The following ASGR1 variants were observed in gnomAD, a reference collection of about 807,000 sequenced individuals.
ASGR1 encodes the protein C-type lectin domain family 4 member H1.
Under a neutral mutation model 33.1 loss-of-function variants are expected in ASGR1, and 35 were observed. The ratio of observed to expected loss-of-function variants is 1.06; its 90% CI spans 0.81 to 1.40. The LOEUF (loss-of-function observed/expected upper bound fraction) is 1.40, where lower values mean the gene tolerates loss of function less well. ASGR1 is among the 40% of genes most tolerant of loss of function. The pLI, the probability that ASGR1 is intolerant of heterozygous loss-of-function variation, is 0.00. For missense variants in ASGR1, 396 were observed against 373.7 expected (o/e 1.06, Z -0.49); for synonymous variants, 142 against 152.5 (o/e 0.93, Z 0.51).
In ASGR1 at chr17:7,173,507, G is replaced by C. The variant is rs1335090994; in HGVS notation, c.*152C>G. ...CTGCAAACTGCAGAAAGCGCCACGGGTTTCAAGCTCCTCACCTTCGGAACA... is the reference window on the plus strand; with the variant it reads ...CTGCAAACTGCAGAAAGCGCCACGGCTTTCAAGCTCCTCACCTTCGGAACA... On this transcript the variant is annotated 3_prime_UTR_variant, in exon 9 of 9. Transcript: ENST00000269299. The surrounding 1 kb of genome is among the most constrained non-coding windows in gnomAD (Gnocchi z 4.7). The C allele has an allele frequency of 9.0e-7, 1 of 1,107,052 alleles. No homozygotes were observed. The highest frequency in any genetic ancestry group is 2.6e-5 in the East Asian group (1 of 38,540). 68.6% of individuals were successfully genotyped at this position (1,107,052 alleles called of 1,614,324 possible).
In ASGR1 at chr17:7,173,622, G is replaced by C; in HGVS notation, c.*37C>G. ...CCCAGATGGGCGGATTCCCAATCCCGGACCCCTGCGGCAGGTCGAGGCATT... is the reference window on the plus strand; with the variant it reads ...CCCAGATGGGCGGATTCCCAATCCCCGACCCCTGCGGCAGGTCGAGGCATT... On this transcript the variant is annotated 3_prime_UTR_variant, in exon 9 of 9. Coordinates refer to ENST00000269299, the MANE Select transcript of ASGR1 (RefSeq NM_001671.5). The surrounding 1 kb of genome is among the most constrained non-coding windows in gnomAD (Gnocchi z 4.7). 2 of 1,610,788 alleles carry C rather than the reference G, an allele frequency of 1.2e-6. No individual in the cohort carries two copies. The highest frequency in any genetic ancestry group is 4.5e-5 in the East Asian group (2 of 44,858).
chr17:7,174,499 G>A lies in ASGR1; in HGVS notation c.356-39C>T, dbSNP rs779323393. The stretch of plus-strand genomic sequence containing the variant: ...GCGGAGGGGAGCGGGAGGAGATGCG[G>A]AAACCACGGGGAGGGAAACGGGAAA... On this transcript the variant is annotated intron_variant, in intron 5 of 8. Coordinates refer to ENST00000269299, the MANE Select transcript of ASGR1 (RefSeq NM_001671.5). 4.4e-6 allele frequency: 7 copies of A among 1,590,914 alleles called. No individual in the cohort carries two copies. The Admixed American group carries it at 1.3e-4, about 28-fold the overall frequency.
chr17:7,178,293 A>T (rs537927114), intron 2 of ASGR1: 1 of 597,224 alleles, frequency 1.7e-6, no homozygotes, highest in Non-Finnish European at 3.0e-6. Flanking sequence ...AGCTTTGGGC[A>T]CCTGTCACCA....
intron 5 of ASGR1, 129 bp downstream of exon 5, chr17:7,176,697 CACAG>C (rs1442378582): frequency 1.5e-6 from 2 of 1,347,850 alleles, no homozygotes; most frequent in African/African-American, 1.5e-5. Flanking sequence ...CATTCTCACA[CACAG>C]ACTCACACAC....
chr17:7,174,388 G>C lies in ASGR1; in HGVS notation c.428C>G (p.Ala143Gly). 6.2e-7 allele frequency: 1 copy of C among 1,613,980 alleles called. No homozygotes were observed. The highest frequency in any genetic ancestry group is 8.5e-7 in the Non-Finnish European group (1 of 1,179,962). Residue 143 changes from alanine to glycine, a missense_variant, in exon 6 of 9, where the codon GCG becomes GGG. Physicochemically the swap from Ala to Gly is moderately conservative, Grantham distance 60 (BLOSUM62 0). Coordinates refer to ENST00000269299, the MANE Select transcript of ASGR1 (RefSeq NM_001671.5). Reference sequence around the variant, plus strand: ...GGCCTCCTTACCATTGCCCTGGAGCGCCGCCATCTGACAGCTCAGGCTCCG... The same window carrying C: ...GGCCTCCTTACCATTGCCCTGGAGCCCCGCCATCTGACAGCTCAGGCTCCG... ...DLRSLSCQMA[A>G]LQGNGSERTC...
chr17:7,177,584 A>G (rs1171778512), intron 2 of ASGR1: 1 of 425,032 alleles, frequency 2.4e-6, no homozygotes, highest in Non-Finnish European at 4.2e-6. Flanking sequence ...ACCTAATGGC[A>G]TGACTGCGTC....
At position 7,177,081 on chromosome 17, in the gene ASGR1, C is replaced by G. The variant is rs757394929; in HGVS notation, c.188-5G>C. The G allele has an allele frequency of 9.9e-6, 16 of 1,613,778 alleles. No homozygotes were observed. The Admixed American group carries it at 2.5e-4, about 25-fold the overall frequency. ...GCTCCTCCTGCAGCTGGGAGTCTGGCCAGGACAGCGTGCAGAGAGAAGAAA... is the reference window on the plus strand; with the variant it reads ...GCTCCTCCTGCAGCTGGGAGTCTGGGCAGGACAGCGTGCAGAGAGAAGAAA... On this transcript the variant is annotated splice_polypyrimidine_tract_variant and splice_region_variant and intron_variant, in intron 3 of 8. Coordinates refer to ENST00000269299, the MANE Select transcript of ASGR1 (RefSeq NM_001671.5).
rs765494787 is a variant in ASGR1 at position 7,174,232 on chromosome 17, C to A, written c.500G>T (p.Trp167Leu). Residue 167 changes from tryptophan to leucine, a missense_variant, in exon 7 of 9, where the codon TGG becomes TTG. Physicochemically the swap from Trp to Leu is moderately conservative, Grantham distance 61. Coordinates refer to ENST00000269299, the MANE Select transcript of ASGR1 (RefSeq NM_001671.5). Reference protein sequence around the residue: ...NWVEHERSCYWFSRSGKAWAD... With the variant: ...NWVEHERSCYLFSRSGKAWAD... ...CCAGGCCTTCCCGGAGCGAGAGAAC[C>A]AGTAGCAGCTGCGCTCGTGCTCCAC... 1 of 1,614,212 alleles carries A rather than the reference C, an allele frequency of 6.2e-7. No homozygotes were observed. The highest frequency in any genetic ancestry group is 1.7e-5 in the Admixed American group (1 of 60,022).
intron 5 of ASGR1, among the ~76,000 whole-genome samples, chr17:7,176,289 TCTCACA>T (rs1287642346): frequency 1.6e-5 from 2 of 127,700 alleles, no homozygotes; most frequent in Admixed American, 7.9e-5. Context: ...CCCATCTCAT[TCTCACA>T]CTCACAGACT....
intron 5 of ASGR1, among the ~76,000 whole-genome samples, chr17:7,176,056 TCA>T (rs1003054502): frequency 8.5e-5 from 11 of 129,926 alleles, no homozygotes; most frequent in South Asian, 2.4e-4. Context: ...TCACACAGAC[TCA>T]CACACCCATC....
chr17:7,176,114 ACACT>A (rs1253028599), intron 5 of ASGR1, among the ~76,000 whole-genome samples: 5 of 146,528 alleles, frequency 3.4e-5, no homozygotes, highest in African/African-American at 1.0e-4. Context: ...TCTCATTCTC[ACACT>A]CAGACTCTGT....
rs780478925 is a variant in ASGR1, at chr17:7,173,800, G to A, written c.735C>T (p.Tyr245=). Residue 245 remains tyrosine, a synonymous_variant, in exon 9 of 9, where the codon TAC becomes TAT. Transcript: ENST00000269299. The surrounding 1 kb of genome is among the most constrained non-coding windows in gnomAD (Gnocchi z 4.7). Reference sequence around the variant, plus strand: ...CCTCGCCTCCTCCGAGCCCGTGGCCGTACCAGTCGTCCGGCTGCTCCGGCC... The same window carrying A: ...CCTCGCCTCCTCCGAGCCCGTGGCCATACCAGTCGTCCGGCTGCTCCGGCC... ...NWRPEQPDDW[Y]GHGLGGGEDC... The A allele has an allele frequency of 4.3e-6, 7 of 1,611,772 alleles. No homozygotes were observed. The South Asian group carries it at 5.5e-5, about 13-fold the overall frequency.
At chr17:7,175,741 A>T (rs2069191540) in intron 5 of ASGR1, among the ~76,000 whole-genome samples, 3 of 149,618 alleles carry the variant, frequency 2.0e-5, no homozygotes, top group Non-Finnish European at 1.5e-5. Flanking sequence ...TCTCCCACTC[A>T]CAAACACCCA....
Position 7,173,544 on chromosome 17 carries a change from T to C in ASGR1, c.*115A>G. On this transcript the variant is annotated 3_prime_UTR_variant, in exon 9 of 9. Coordinates refer to ENST00000269299, the MANE Select transcript of ASGR1 (RefSeq NM_001671.5). The surrounding 1 kb of genome is among the most constrained non-coding windows in gnomAD (Gnocchi z 4.7). ...TCACCTTCGGAACATCACCCTATCC[T>C]TCCCCTTCCCTTAAAATCCTAGATG... The C allele has an allele frequency of 4.3e-6, 6 of 1,411,396 alleles. No individual in the cohort carries two copies. Among genetic ancestry groups the C allele is most frequent in the Non-Finnish European group, 5.8e-6 (6 of 1,037,824 alleles). The allele number at this position is 1,411,396 out of a possible 1,614,324, so 87.4% of individuals were successfully genotyped here. A position where few individuals can be genotyped will look rare whatever the true frequency, so the allele number is the denominator to read the frequency against.
At chr17:7,177,769 A>G (rs974591518) in intron 2 of ASGR1, 2 of 175,326 alleles carry the variant, frequency 1.1e-5, no homozygotes, top group African/African-American at 2.4e-5. Context: ...GAGAAGGTGC[A>G]ATAGCTACCA....
rs535929111 is a variant in ASGR1, at chr17:7,175,860, T to G, written c.355+970A>C. ...ACACCCATCTCATTCTCACACACAC[T>G]CCCACTCCTCACACACAGTCTCACA... On this transcript the variant is annotated intron_variant, in intron 5 of 8. Transcript: ENST00000269299. Among the ~76,000 whole-genome samples the G allele has an allele frequency of 8.9e-4, 89 of 99,940 alleles. No homozygotes were observed. The East Asian group carries it at 0.022, about 25-fold the overall frequency. 65.6% of individuals were successfully genotyped at this position (99,940 alleles called of 152,430 possible). A position where few individuals can be genotyped will look rare whatever the true frequency, so the allele number is the denominator to read the frequency against.
intron 5 of ASGR1, among the ~76,000 whole-genome samples, chr17:7,176,156 CACAG>C (rs769117349): frequency 6.0e-5 from 9 of 149,462 alleles, no homozygotes; most frequent in South Asian, 2.2e-4. Context: ...CATTCTCACA[CACAG>C]ACACACACCC....
At chr17:7,174,664 TC>T (rs2069174045) in intron 5 of ASGR1, among the ~76,000 whole-genome samples, 2 of 108,800 alleles carry the variant, frequency 1.8e-5, no homozygotes, top group African/African-American at 7.1e-5. Context: ...ACACACACAC[TC>T]ACACAGACAC....
chr17:7,178,810 T>C (rs1468044500), intron 1 of ASGR1: 1 of 361,536 alleles, frequency 2.8e-6, no homozygotes, highest in East Asian at 4.6e-5. Context: ...GATCTCAGCT[T>C]ACTGCAACCT....
Sources: allele counts gnomAD v4.1 joint callset (sites outside exome capture counted in the v4.1 genomes callset), GRCh38; gene constraint gnomAD v4.1.1; non-coding constraint Gnocchi (gnomAD v3.1); transcripts MANE v1.5; gene names NCBI Gene and HGNC (gene_info 2026-07-23, HGNC 2026-07-21).